SCYL2: variants seen among roughly 807,000 people sequenced by gnomAD.
SCYL2 encodes the protein SCY1 like pseudokinase 2, also known as SCY1-like protein 2.
Under a neutral mutation model 100.4 loss-of-function variants are expected in SCYL2, and 36 were observed. The ratio of observed to expected loss-of-function variants is 0.36; its 90% CI spans 0.27 to 0.47. The LOEUF is 0.47. Among genes scored for constraint, SCYL2 ranks in the 20% least tolerant of loss-of-function variants. SCYL2 has a pLI of 1.00. For synonymous variants in SCYL2, 330 were observed against 359.2 expected (o/e 0.92, Z 0.92); for missense variants, 902 against 1,083.9 (o/e 0.83, Z 2.36).
chr12:100,294,861 C>T (rs866022854), intron 3 of SCYL2, among the ~76,000 whole-genome samples: 5 of 151,244 alleles, frequency 3.3e-5, no homozygotes, highest in African/African-American at 7.3e-5. Flanking sequence ...ATTTCCCAGA[C>T]GGGGTGGCTG....
At chr12:100,269,600 T>A (rs1444472805) in intron 1 of SCYL2, among the ~76,000 whole-genome samples, 1 of 152,194 alleles carries the variant, frequency 6.6e-6, no homozygotes, top group Non-Finnish European at 1.5e-5. Flanking sequence ...CTTATAACAA[T>A]CACTTGAGGT....
At chr12:100,322,065 A>G (rs188014626) in intron 10 of SCYL2, among the ~76,000 whole-genome samples, 2,187 of 150,738 alleles carry the variant, frequency 0.015, 59 homozygotes, top group African/African-American at 0.05. Flanking sequence ...AAAAAAGAAA[A>G]AAAAACCCAA....
rs1447290225 is a variant in SCYL2, at chr12:100,267,241, G to C, written c.-580G>C. The C allele has an allele frequency of 7.0e-6, 5 of 710,926 alleles. No individual in the cohort carries two copies. Among genetic ancestry groups the C allele is most frequent in the Non-Finnish European group, 8.9e-6 (4 of 447,434 alleles). 44.0% of individuals were successfully genotyped at this position (710,926 alleles called of 1,614,324 possible). ...TCCCCTCCCCACCCCTTTCCTTCTA[G>C]CTCCGACGTTTGCGGCCGCGGGGGC... On this transcript the variant is annotated 5_prime_UTR_variant, in exon 1 of 18. Coordinates refer to ENST00000360820, the MANE Select transcript of SCYL2 (RefSeq NM_017988.6).
intron 10 of SCYL2, among the ~76,000 whole-genome samples, chr12:100,318,285 A>G (rs2096351502): frequency 6.6e-6 from 1 of 150,504 alleles, no homozygotes; most frequent in Admixed American, 6.6e-5. Context: ...ACTGATAATT[A>G]TGAACAAAAA....
chr12:100,297,971 A>G, intron 3 of SCYL2, 60 bp from the exon 4 acceptor site: 1 of 1,279,670 alleles, frequency 7.8e-7, no homozygotes, highest in South Asian at 1.3e-5. Flanking sequence ...TTTTATGTAT[A>G]TTTGATTTTG....
chr12:100,274,756 G>T (rs992482189), intron 1 of SCYL2, among the ~76,000 whole-genome samples: 1 of 152,182 alleles, frequency 6.6e-6, no homozygotes, highest in Admixed American at 6.5e-5. Flanking sequence ...TCAGGACATA[G>T]ACTTGTTCTC....
chr12:100,296,208 A>C (rs1055732209), intron 3 of SCYL2, among the ~76,000 whole-genome samples: 1 of 152,338 alleles, frequency 6.6e-6, no homozygotes, highest in African/African-American at 2.4e-5. Context: ...TAAAAATTGT[A>C]GTAGCATTGA....
Position 100,317,808 on chromosome 12 carries a change from G to A in SCYL2, c.1278G>A (p.Leu426=). The change falls in exon 10 of 18, where the codon TTG becomes TTA. Residue 426 remains leucine (L), a synonymous_variant. Transcript: ENST00000360820. ...VFKQQEPIQI[L]LIFLQKMDLL... is the part of the protein sequence containing the mutation. ...TGTTTCCGTTTTCTAAACAGATTTT[G>A]TTAATTTTCCTACAAAAAATGGATT... 2 of 1,596,060 alleles carry A rather than the reference G, an allele frequency of 1.3e-6. No individual in the cohort carries two copies. The highest frequency in any genetic ancestry group is 1.7e-6 in the Non-Finnish European group (2 of 1,176,124).
At chr12:100,315,525 A>ATTTTT in intron 8 of SCYL2, 33 bp from the exon 9 acceptor site, 1 of 1,486,736 alleles carries the variant, frequency 6.7e-7, no homozygotes, top group Non-Finnish European at 9.1e-7. Flanking sequence ...AATAAATTTT[A>ATTTTT]TTTTTTTTTT....
intron 11 of SCYL2, among the ~76,000 whole-genome samples, chr12:100,325,129 C>T (rs982670068): frequency 1.3e-5 from 2 of 151,892 alleles, no homozygotes; most frequent in Non-Finnish European, 1.5e-5. Flanking sequence ...ACCAAGAGGT[C>T]GAGGCTGCAG....
chr12:100,298,010 A>T, intron 3 of SCYL2, 21 bp from the exon 4 acceptor site: 1 of 1,585,402 alleles, frequency 6.3e-7, no homozygotes, highest in Non-Finnish European at 8.6e-7. Context: ...ATAGTAAATA[A>T]CTTTTTCTTT....
chr12:100,323,030 GAAAAAA>G, intron 10 of SCYL2, among the ~76,000 whole-genome samples: 1 of 56,764 alleles, frequency 1.8e-5, no homozygotes, highest in East Asian at 5.1e-4. Flanking sequence ...CCTGTCTCAA[GAAAAAA>G]AAAAAAAAAA....
chr12:100,304,306 A>G (rs999783328), intron 4 of SCYL2, among the ~76,000 whole-genome samples: 2 of 146,422 alleles, frequency 1.4e-5, no homozygotes, highest in African/African-American at 5.0e-5. Context: ...CTGGGGTTTG[A>G]AAAAAAAAAA....
At chr12:100,277,511 CTTCT>C (rs1279689519) in intron 1 of SCYL2, among the ~76,000 whole-genome samples, 1 of 152,152 alleles carries the variant, frequency 6.6e-6, no homozygotes, top group African/African-American at 2.4e-5. Flanking sequence ...TACAAAATGA[CTTCT>C]TTGTCTTCAA....
chr12:100,298,564 T>C (rs1278879659), intron 4 of SCYL2, among the ~76,000 whole-genome samples: 1 of 152,222 alleles, frequency 6.6e-6, no homozygotes, highest in Non-Finnish European at 1.5e-5. Flanking sequence ...TCTTTTCTTT[T>C]TTGAGACGGA....
At chr12:100,302,500 C>A (rs888237484) in intron 4 of SCYL2, among the ~76,000 whole-genome samples, 2 of 152,182 alleles carry the variant, frequency 1.3e-5, no homozygotes, top group African/African-American at 4.8e-5. Flanking sequence ...GATTTTATTT[C>A]TCCTTCACTT....
At chr12:100,274,824 G>A (rs139583524) in intron 1 of SCYL2, among the ~76,000 whole-genome samples, 1 of 152,320 alleles carries the variant, frequency 6.6e-6, no homozygotes, top group East Asian at 1.9e-4. Flanking sequence ...GAGAGCGATA[G>A]GGCTTTAAAA....
chr12:100,320,768 A>G (rs190984543), intron 10 of SCYL2, among the ~76,000 whole-genome samples: 2 of 152,138 alleles, frequency 1.3e-5, no homozygotes, highest in Admixed American at 1.3e-4. Flanking sequence ...CCTTTCCTGT[A>G]AGTCTGCCTA....
chr12:100,277,252 G>C (rs1208790736), intron 1 of SCYL2, among the ~76,000 whole-genome samples: 2 of 152,226 alleles, frequency 1.3e-5, no homozygotes, highest in Non-Finnish European at 2.9e-5. Context: ...GTCATTTGTA[G>C]AGTGTGTGTT....
Sources: gnomAD v4.1 joint callset for allele counts (sites outside exome capture counted in the v4.1 genomes callset) on GRCh38, gnomAD v4.1.1 for gene constraint, MANE v1.5 for transcripts, NCBI Gene and HGNC (gene_info 2026-07-23, HGNC 2026-07-21) for gene names.